Variants in DSCAM observed in about 807,000 individuals in gnomAD.
DSCAM encodes cell adhesion molecule DSCAM.
A neutral mutation model predicts 217.7 loss-of-function variants in DSCAM; 47 were observed. The ratio of observed to expected loss-of-function variants is 0.22; its 90% confidence interval spans 0.17 to 0.28. DSCAM has a LOEUF of 0.28. DSCAM is among the 10% of genes least tolerant of loss of function. The pLI, the probability that DSCAM is intolerant of heterozygous loss-of-function variation, is 1.00. For synonymous variants in DSCAM, 1,056 were observed against 1,015.3 expected, an observed-to-expected ratio of 1.04 and a Z score of -0.76; for missense variants, 2,080 against 2,618.3, an observed-to-expected ratio of 0.79 and a Z score of 4.49.
At chr21:40,164,202 T>C (rs571220362) in intron 16 of DSCAM, among the ~76,000 whole-genome samples, 1 of 152,280 alleles carries the variant, frequency 6.6e-6, no homozygotes, top group East Asian at 1.9e-4. Flanking sequence ...GAAACTCTAA[T>C]TGCACTCTGG....
intron 1 of DSCAM, among the ~76,000 whole-genome samples, chr21:40,722,320 A>T (rs1024534679): frequency 1.3e-5 from 2 of 152,154 alleles, no homozygotes; most frequent in Non-Finnish European, 2.9e-5. Context: ...TGTTAAGGCA[A>T]TAATAATGCA....
chr21:40,050,289 G>A (rs1450853271), intron 30 of DSCAM, among the ~76,000 whole-genome samples: 14 of 152,170 alleles, frequency 9.2e-5, no homozygotes, highest in East Asian at 1.9e-4. Flanking sequence ...TTCTGCCACC[G>A]TTTCCAACAG....
intron 3 of DSCAM, among the ~76,000 whole-genome samples, chr21:40,665,094 C>T (rs534088788): frequency 1.3e-5 from 2 of 152,264 alleles, no homozygotes; most frequent in East Asian, 3.9e-4. Flanking sequence ...TGGTGCCAGG[C>T]TTTTACAGCA....
At chr21:40,435,421 T>C (rs1323141924) in intron 3 of DSCAM, among the ~76,000 whole-genome samples, 1 of 152,154 alleles carries the variant, frequency 6.6e-6, no homozygotes, top group Non-Finnish European at 1.5e-5. Flanking sequence ...AATTTTTGTA[T>C]AATCTTTATG....
chr21:40,837,924 T>C (rs529650835), intron 1 of DSCAM, among the ~76,000 whole-genome samples: 1 of 152,284 alleles, frequency 6.6e-6, no homozygotes, highest in South Asian at 2.1e-4. Context: ...CAGCCGAGAT[T>C]AAAAAATAAA....
intron 11 of DSCAM, chr21:40,212,341 TGA>T (rs1003959371): frequency 4.4e-4 from 68 of 154,328 alleles, no homozygotes; most frequent in African/African-American, 1.6e-3. Context: ...GGCCTCACCT[TGA>T]GAGGCATAGC....
intron 8 of DSCAM, among the ~76,000 whole-genome samples, chr21:40,320,935 C>G (rs2074252495): frequency 6.6e-6 from 1 of 152,116 alleles, no homozygotes; most frequent in Admixed American, 6.5e-5. Flanking sequence ...CTTTAAATGT[C>G]TAAAAGATAG....
intron 3 of DSCAM, among the ~76,000 whole-genome samples, chr21:40,579,091 C>G (rs2076881650): frequency 6.6e-6 from 1 of 152,074 alleles, no homozygotes; most frequent in Non-Finnish European, 1.5e-5. Flanking sequence ...CTATAGGGAT[C>G]AAAGGAAATC....
chr21:40,392,915 T>C (rs1369674028), intron 3 of DSCAM, among the ~76,000 whole-genome samples: 1 of 152,130 alleles, frequency 6.6e-6, no homozygotes, highest in Non-Finnish European at 1.5e-5. Context: ...ATTCAAAAGA[T>C]ATAATAAAAT....
intron 15 of DSCAM, among the ~76,000 whole-genome samples, chr21:40,174,053 G>C (rs867990221): frequency 6.6e-6 from 1 of 152,204 alleles, no homozygotes; most frequent in Non-Finnish European, 1.5e-5. Flanking sequence ...AGCTGTGAAT[G>C]TCATGTGTCA....
chr21:40,773,824 G>T (rs1174383455), intron 1 of DSCAM, among the ~76,000 whole-genome samples: 1 of 152,206 alleles, frequency 6.6e-6, no homozygotes, highest in Non-Finnish European at 1.5e-5. Context: ...GAGCAATCTT[G>T]TAAGTAAGGG....
intron 3 of DSCAM, among the ~76,000 whole-genome samples, chr21:40,456,371 T>C (rs1226882105): frequency 2.0e-5 from 3 of 152,056 alleles, no homozygotes; most frequent in Admixed American, 2.0e-4. Context: ...AACAGTCTAC[T>C]TATGAAACTA....
intron 1 of DSCAM, among the ~76,000 whole-genome samples, chr21:40,760,283 T>C: frequency 6.6e-6 from 1 of 152,170 alleles, no homozygotes; most frequent in Non-Finnish European, 1.5e-5. Flanking sequence ...CCCAAAGTGC[T>C]GGGATTAAAG....
rs192638877 is a variant in DSCAM at position 40,040,668 on chromosome 21, C to T, written c.5686+1703G>A. ...ACCCAGTGCCAGAAACAATGGCTAA[C>T]ATGGCTGAGTGCCTCCTCTGCTGAC... On this transcript the variant is annotated intron_variant, in intron 32 of 32. Coordinates refer to ENST00000400454, the MANE Select transcript of DSCAM (RefSeq NM_001389.5). Among the ~76,000 whole-genome samples, 349 of 152,328 alleles carry T rather than the reference C, an allele frequency of 2.3e-3. 1 individual carries two copies. The highest frequency in any genetic ancestry group is 7.8e-3 in the African/African-American group (326 of 41,572).
chr21:40,669,673 G>C (rs1471797710), intron 3 of DSCAM, among the ~76,000 whole-genome samples: 1 of 151,020 alleles, frequency 6.6e-6, no homozygotes, highest in Non-Finnish European at 1.5e-5. Flanking sequence ...CCATCTCCCG[G>C]GCTCAAGCAA....
In DSCAM at chr21:40,012,911, T is replaced by TC; in HGVS notation, c.*122_*123insG. 2.7e-6 allele frequency: 2 copies of TC among 742,870 alleles called. No individual in the cohort carries two copies. The highest frequency in any genetic ancestry group is 4.2e-5 in the Admixed American group (1 of 23,818). The allele number at this position is 742,870 out of a possible 1,614,324, so 46.0% of individuals were successfully genotyped here. ...TCTGTGGTTTCAGTATTTTCTCTTT[T>TC]TTTTTTTTAATATATTTTGGCAATT... On this transcript the variant is annotated 3_prime_UTR_variant, in exon 33 of 33. Transcript: ENST00000400454.
intron 3 of DSCAM, among the ~76,000 whole-genome samples, chr21:40,418,685 A>G: frequency 6.6e-6 from 1 of 152,230 alleles, no homozygotes; most frequent in Non-Finnish European, 1.5e-5. Context: ...ATGTGAAACT[A>G]GAACAATCTG....
At chr21:40,627,917 T>C (rs1379323687) in intron 3 of DSCAM, among the ~76,000 whole-genome samples, 1 of 152,198 alleles carries the variant, frequency 6.6e-6, no homozygotes, top group African/African-American at 2.4e-5. Flanking sequence ...TGTGTTTTTG[T>C]CTTCTCTTCT....
At chr21:40,265,470 G>A (rs747541656) in intron 11 of DSCAM, among the ~76,000 whole-genome samples, 2 of 146,108 alleles carry the variant, frequency 1.4e-5, no homozygotes, top group African/African-American at 5.4e-5. Flanking sequence ...TACCAACATC[G>A]TTTTTCACAA....
Sources: gnomAD v4.1 joint callset for allele counts (sites outside exome capture counted in the v4.1 genomes callset) on GRCh38, gnomAD v4.1.1 for gene constraint, MANE v1.5 for transcripts, NCBI Gene and HGNC (gene_info 2026-07-23, HGNC 2026-07-21) for gene names.